The following IL1RL2 variants were observed in gnomAD, a reference collection of about 807,000 sequenced individuals.
IL1RL2 encodes the protein interleukin-1 receptor-like 2.
In IL1RL2, 68 loss-of-function variants were observed where a neutral mutation model predicts 66.8. That is an observed-to-expected ratio of 1.02 (90% CI 0.84 to 1.25). The LOEUF (loss-of-function observed/expected upper bound fraction) is 1.25. Among genes scored for constraint, IL1RL2 ranks in the 50% most tolerant of loss-of-function variants. The pLI is 0.00. For missense variants in IL1RL2, 729 were observed against 709.3 expected (o/e 1.03, Z -0.32); for synonymous variants, 305 against 264.6 (o/e 1.15, Z -1.48).
chr2:102,238,554 A>G (rs1410139051), intron 11 of IL1RL2, among the ~76,000 whole-genome samples: 1 of 152,132 alleles, frequency 6.6e-6, no homozygotes, highest in Non-Finnish European at 1.5e-5. Context: ...TGGTTGGTTG[A>G]CCTTTCCTCG....
chr2:102,242,773 C>A (rs1039833915), downstream of IL1RL2, among the ~76,000 whole-genome samples: 24 of 152,294 alleles, frequency 1.6e-4, no homozygotes, highest in African/African-American at 4.6e-4. Flanking sequence ...ATCTGGGCAT[C>A]CTTCAGCCCA....
chr2:102,187,859 G>T lies in IL1RL2; in HGVS notation c.-9G>T. On this transcript the variant is annotated 5_prime_UTR_variant, in exon 2 of 12. Transcript: ENST00000264257. Reference sequence around the variant, plus strand: ...CCCTCTTCTCCCTTCCTTGCAGCCCGGTTTGGGGATGTGGTCCTTGCTGCT... The same window carrying T: ...CCCTCTTCTCCCTTCCTTGCAGCCCTGTTTGGGGATGTGGTCCTTGCTGCT... 1 of 1,556,632 alleles carries T rather than the reference G, an allele frequency of 6.4e-7. No individual in the cohort carries two copies. The highest frequency in any genetic ancestry group is 2.4e-5 in the East Asian group (1 of 40,974).
Position 102,233,083 on chromosome 2 carries a change from AT to A in IL1RL2, c.1257del (p.Tyr419Ter), listed in dbSNP as rs1197485488. 2.5e-6 allele frequency: 4 copies of A among 1,613,840 alleles called. No individual in the cohort carries two copies. Among genetic ancestry groups the A allele is most frequent in the Non-Finnish European group, 3.4e-6 (4 of 1,179,864 alleles). The stretch of plus-strand genomic sequence containing the variant: ...GAGGTGTTGGAGAGACAATGTGGAT[AT>A]AAGTTGTTTATATTCGGCAGAGATG... ...LPEVLERQCG[Y>X]KLFIFGRDEF... is the part of the protein sequence containing the mutation. On this transcript the variant is annotated frameshift_variant, in exon 10 of 12. Coordinates refer to ENST00000264257, the MANE Select transcript of IL1RL2 (RefSeq NM_003854.4). LOFTEE classifies it high-confidence loss of function.
At position 102,239,795 on chromosome 2, in the gene IL1RL2, G is replaced by A. The variant is rs535466368; in HGVS notation, c.*554G>A. The A allele has an allele frequency of 1.8e-5, 3 of 162,738 alleles. No individual in the cohort carries two copies. The highest frequency in any genetic ancestry group is 5.8e-5 in the Admixed American group (1 of 17,342). 10.1% of individuals were successfully genotyped at this position (162,738 alleles called of 1,614,324 possible). A position where few individuals can be genotyped will look rare whatever the true frequency, so the allele number is the denominator to read the frequency against. ...AGATCTTGGGGGATCACCTGTCATG[G>A]TGGGTGAGAGCTGGGGGGATCACCT... On this transcript the variant is annotated 3_prime_UTR_variant, in exon 12 of 12. Coordinates refer to ENST00000264257, the MANE Select transcript of IL1RL2 (RefSeq NM_003854.4).
downstream of IL1RL2, among the ~76,000 whole-genome samples, chr2:102,242,852 A>G (rs193051839): frequency 3.1e-3 from 478 of 152,372 alleles, 1 homozygote; most frequent in Non-Finnish European, 5.6e-3. Flanking sequence ...ACTTTTACAA[A>G]CAAAGTGCAT....
In IL1RL2 at chr2:102,234,979, C is replaced by T. The variant is rs768675550; in HGVS notation, c.1380C>T (p.Gly460=). ...VIVVPESLGF[G]LLKNLSEEQI... is the part of the protein sequence containing the mutation. ...TGGTCCCCGAATCGCTGGGCTTTGG[C>T]CTGTTGAAGAACCTGTCAGAAGAAC... Residue 460 remains glycine (G), a synonymous_variant, in exon 11 of 12, where the codon GGC becomes GGT. Coordinates refer to ENST00000264257, the MANE Select transcript of IL1RL2 (RefSeq NM_003854.4). The T allele has an allele frequency of 4.3e-6, 7 of 1,614,132 alleles. No individual in the cohort carries two copies. The highest frequency in any genetic ancestry group is 5.1e-6 in the Non-Finnish European group (6 of 1,180,030).
In IL1RL2 at chr2:102,221,489, C is replaced by G. The variant is rs142877222; in HGVS notation, c.991+1472C>G. 6.1e-4 allele frequency among the ~76,000 whole-genome samples: 93 copies of G among 152,226 alleles called. 1 individual carries two copies. Among genetic ancestry groups the G allele is most frequent in the African/African-American group, 2.2e-3 (92 of 41,526 alleles). ...AACCTCCTGGTTCTGTTTTTTCTTA[C>G]CTTTGTTAGTGGGACTCCTGTATCT... On this transcript the variant is annotated intron_variant, in intron 8 of 11. Transcript: ENST00000264257.
At chr2:102,238,434 T>G (rs1463146797) in intron 11 of IL1RL2, among the ~76,000 whole-genome samples, 1 of 152,148 alleles carries the variant, frequency 6.6e-6, no homozygotes. Context: ...TGGGATGCCA[T>G]GAGGAGCTGG....
intron 8 of IL1RL2, 139 bp downstream of exon 8, chr2:102,220,156 A>G (rs1307926722): frequency 2.9e-6 from 2 of 694,010 alleles, no homozygotes; most frequent in East Asian, 5.7e-5. Context: ...TATGAAATCT[A>G]GGGAAAATCT....
chr2:102,216,331 C>T (rs1689609071), intron 6 of IL1RL2, among the ~76,000 whole-genome samples: 1 of 152,054 alleles, frequency 6.6e-6, no homozygotes. Flanking sequence ...TAATTTTTAA[C>T]TTGAAGTCTA....
At chr2:102,236,214 C>T (rs2104903484) in intron 11 of IL1RL2, among the ~76,000 whole-genome samples, 1 of 152,318 alleles carries the variant, frequency 6.6e-6, no homozygotes, top group South Asian at 2.1e-4. Context: ...ATAGCTCAAC[C>T]TTCTGAAGCT....
intron 9 of IL1RL2, among the ~76,000 whole-genome samples, chr2:102,227,918 T>C (rs1338777427): frequency 6.6e-6 from 1 of 152,004 alleles, no homozygotes; most frequent in Non-Finnish European, 1.5e-5. Flanking sequence ...GTGGGGAAGC[T>C]GCTAGTGAGG....
intron 8 of IL1RL2, among the ~76,000 whole-genome samples, chr2:102,223,761 A>G (rs1690350994): frequency 1.3e-5 from 2 of 152,212 alleles, no homozygotes; most frequent in African/African-American, 2.4e-5. Context: ...TCTCCAAAAC[A>G]GACACTAAAT....
At chr2:102,215,142 A>C (rs1451385225) in intron 6 of IL1RL2, among the ~76,000 whole-genome samples, 3 of 151,984 alleles carry the variant, frequency 2.0e-5, no homozygotes, top group Admixed American at 2.0e-4. Context: ...AGAAAGCTGC[A>C]GTCCTCACAG....
At chr2:102,190,938 A>G (rs1405100286) in intron 3 of IL1RL2, among the ~76,000 whole-genome samples, 2 of 152,250 alleles carry the variant, frequency 1.3e-5, no homozygotes, top group East Asian at 3.8e-4. Flanking sequence ...ACATCCAGAT[A>G]GGATACGTGT....
In IL1RL2 at chr2:102,189,254, G is replaced by T. The variant is rs773427731; in HGVS notation, c.237G>T (p.Trp79Cys). The T allele has an allele frequency of 3.1e-6, 5 of 1,613,922 alleles. No individual in the cohort carries two copies. The highest frequency in any genetic ancestry group is 4.2e-6 in the Non-Finnish European group (5 of 1,179,978). The change falls in exon 3 of 12, where the codon TGG becomes TGT. Residue 79 changes from tryptophan (W) to cysteine (C), a missense_variant. Transcript: ENST00000264257. Reference protein sequence around the residue: ...IQSRIHQDETWILFLPMEWGD... With the variant: ...IQSRIHQDETCILFLPMEWGD... ...CTAGAATTCACCAGGACGAGACTTG[G>T]ATTTTGTTTCTCCCCATGGAATGGG...
At chr2:102,202,010 A>G (rs1409608336) in intron 5 of IL1RL2, among the ~76,000 whole-genome samples, 1 of 152,198 alleles carries the variant, frequency 6.6e-6, no homozygotes, top group Non-Finnish European at 1.5e-5. Flanking sequence ...ACCTGATGAA[A>G]CACAAGTATC....
At chr2:102,223,792 C>G (rs190712746) in intron 8 of IL1RL2, among the ~76,000 whole-genome samples, 38 of 152,052 alleles carry the variant, frequency 2.5e-4, no homozygotes, top group Non-Finnish European at 4.9e-4. Flanking sequence ...ACGAGTCGTC[C>G]CAAAGGGAGA....
chr2:102,208,670 G>T (rs1480884099), intron 5 of IL1RL2, among the ~76,000 whole-genome samples: 1 of 152,224 alleles, frequency 6.6e-6, no homozygotes, highest in African/African-American at 2.4e-5. Context: ...AGCATGGGTG[G>T]CTCCCTGCTG....
Sources: gnomAD v4.1 joint callset for allele counts (sites outside exome capture counted in the v4.1 genomes callset) on GRCh38, gnomAD v4.1.1 for gene constraint, MANE v1.5 for transcripts, NCBI Gene and HGNC (gene_info 2026-07-23, HGNC 2026-07-21) for gene names.